The following ARFIP1 variants were observed in gnomAD, a reference collection of about 807,000 sequenced individuals.
ARFIP1 encodes arfaptin-1.
In ARFIP1, 24 loss-of-function variants were observed where a neutral mutation model predicts 42.5. That is an observed-to-expected ratio of 0.57 (90% confidence interval 0.41 to 0.80). The LOEUF (loss-of-function observed/expected upper bound fraction) is 0.80, where lower values mean the gene tolerates loss of function less well. Ranked by LOEUF, ARFIP1 falls within the 30% of genes least tolerant of loss-of-function variation. The pLI, the probability that ARFIP1 is intolerant of heterozygous loss-of-function variation, is 0.00. For synonymous variants in ARFIP1, 141 were observed against 153.7 expected, an observed-to-expected ratio of 0.92 and a Z score of 0.61; for missense variants, 354 against 434.0, an observed-to-expected ratio of 0.82 and a Z score of 1.64.
At chr4:152,873,212 A>G (rs1053415263) in intron 5 of ARFIP1, among the ~76,000 whole-genome samples, 5 of 152,226 alleles carry the variant, frequency 3.3e-5, no homozygotes, top group Non-Finnish European at 7.3e-5. Flanking sequence ...AATAGTTAGG[A>G]TGAAAGCCCT....
At position 152,881,038 on chromosome 4, in the gene ARFIP1, G is replaced by A. The variant is rs1735802297; in HGVS notation, c.487G>A (p.Asp163Asn). Residue 163 changes from aspartate (D) to asparagine (N), a missense_variant, in exon 6 of 9, where the codon GAT (aspartate) becomes AAT (asparagine). Asp to Asn is a conservative substitution (Grantham distance 23). Coordinates refer to ENST00000353617, the MANE Select transcript of ARFIP1 (RefSeq NM_001025595.3). ...TVDLELEAQI[D>N]ILRDNKKKYE... Reference sequence around the variant, plus strand: ...GGACCTTGAACTTGAAGCTCAGATTGATATATTAAGGGATAACAAGAAAAA... The same window carrying A: ...GGACCTTGAACTTGAAGCTCAGATTAATATATTAAGGGATAACAAGAAAAA... 1.2e-6 allele frequency: 2 copies of A among 1,613,812 alleles called. No individual in the cohort carries two copies. The highest frequency in any genetic ancestry group is 1.7e-4 in the Middle Eastern group (1 of 6,058).
chr4:152,857,553 T>C (rs1450457399), intron 2 of ARFIP1, among the ~76,000 whole-genome samples: 1 of 152,208 alleles, frequency 6.6e-6, no homozygotes, highest in Admixed American at 6.5e-5. Flanking sequence ...TTAAATGAGG[T>C]AATATATACA....
chr4:152,874,820 C>T (rs1007743986), intron 5 of ARFIP1, among the ~76,000 whole-genome samples: 4 of 152,128 alleles, frequency 2.6e-5, no homozygotes, highest in African/African-American at 7.2e-5. Flanking sequence ...GGCATCACCA[C>T]TCCTGGCTAA....
At chr4:152,854,499 A>G (rs1385001546) in intron 2 of ARFIP1, among the ~76,000 whole-genome samples, 2 of 152,072 alleles carry the variant, frequency 1.3e-5, no homozygotes, top group Non-Finnish European at 2.9e-5. Context: ...TTGCTGGAGA[A>G]TCATTGTGAT....
chr4:152,883,513 A>G (rs1204915745), intron 7 of ARFIP1, among the ~76,000 whole-genome samples: 3 of 152,000 alleles, frequency 2.0e-5, no homozygotes, highest in Non-Finnish European at 2.9e-5. Flanking sequence ...AAACCCTTTC[A>G]AATTTTACCT....
chr4:152,903,767 CCTGAGCCTTTGTTAGTGGGCTA>C (rs1738043844), intron 8 of ARFIP1, among the ~76,000 whole-genome samples: 3 of 152,122 alleles, frequency 2.0e-5, no homozygotes, highest in South Asian at 4.1e-4. Flanking sequence ...ATACACTGAG[CCTGAGCCTTTGTTAGTGGGCTA>C]CTGAGTCTTC....
intron 5 of ARFIP1, among the ~76,000 whole-genome samples, chr4:152,875,378 T>TAAAAA (rs11302481): frequency 3.0e-5 from 3 of 100,156 alleles, no homozygotes; most frequent in Non-Finnish European, 4.3e-5. Flanking sequence ...TCTTTTTTTA[T>TAAAAA]AAAAAAAAAA....
chr4:152,873,120 T>G (rs1217942282), intron 5 of ARFIP1, among the ~76,000 whole-genome samples: 1 of 152,200 alleles, frequency 6.6e-6, no homozygotes, highest in Non-Finnish European at 1.5e-5. Flanking sequence ...ATATTGTATT[T>G]GATGTATTAC....
intron 1 of ARFIP1, among the ~76,000 whole-genome samples, chr4:152,790,821 C>T (rs1731105983): frequency 6.7e-6 from 1 of 148,810 alleles, no homozygotes; most frequent in Non-Finnish European, 1.5e-5. Flanking sequence ...GCAACCTCTG[C>T]CTCCCAGGTT....
chr4:152,848,406 T>A (rs1490899723), intron 2 of ARFIP1, among the ~76,000 whole-genome samples: 1 of 152,218 alleles, frequency 6.6e-6, no homozygotes, highest in Non-Finnish European at 1.5e-5. Flanking sequence ...AGGGAAGAGA[T>A]ATTGTAATCT....
chr4:152,853,331 C>T (rs189008500), intron 2 of ARFIP1, among the ~76,000 whole-genome samples: 5 of 152,292 alleles, frequency 3.3e-5, no homozygotes, highest in Middle Eastern at 3.4e-3. Flanking sequence ...TTTAGCGCTC[C>T]GTTGAGCATT....
chr4:152,852,069 C>T (rs761809353), intron 2 of ARFIP1, among the ~76,000 whole-genome samples: 1 of 152,102 alleles, frequency 6.6e-6, no homozygotes, highest in Non-Finnish European at 1.5e-5. Context: ...ATTAAATACT[C>T]AAGCATTATG....
chr4:152,851,941 A>C (rs892830771), intron 2 of ARFIP1, among the ~76,000 whole-genome samples: 2 of 152,356 alleles, frequency 1.3e-5, no homozygotes, highest in South Asian at 4.1e-4. Flanking sequence ...AGCTATTACT[A>C]CAAATATTAC....
intron 1 of ARFIP1, among the ~76,000 whole-genome samples, chr4:152,795,131 C>G (rs1397782131): frequency 6.6e-6 from 1 of 152,040 alleles, no homozygotes; most frequent in Non-Finnish European, 1.5e-5. Flanking sequence ...GGTAACCTAT[C>G]TCTTTAGTTT....
Position 152,888,225 on chromosome 4 carries a change from A to G in ARFIP1, c.884A>G (p.His295Arg). The G allele has an allele frequency of 1.2e-6, 2 of 1,612,028 alleles. No individual in the cohort carries two copies. The highest frequency in any genetic ancestry group is 1.1e-5 in the South Asian group (1 of 90,786). Residue 295 changes from histidine to arginine, a missense_variant, in exon 8 of 9, where the codon CAT becomes CGT. By Grantham distance (29) the His-to-Arg change is conservative. Coordinates refer to ENST00000353617, the MANE Select transcript of ARFIP1 (RefSeq NM_001025595.3). ...NTLPKIEQSQ[H>R]LFQAHKEKYD... ...CTGCCAAAGATTGAGCAGTCACAGC[A>G]TCTCTTCCAAGCACATAAGGAAAAA...
chr4:152,856,244 A>G (rs973977701), intron 2 of ARFIP1, among the ~76,000 whole-genome samples: 7 of 152,292 alleles, frequency 4.6e-5, no homozygotes, highest in African/African-American at 1.7e-4. Flanking sequence ...AATTTACACA[A>G]TATTCTATGA....
intron 2 of ARFIP1, among the ~76,000 whole-genome samples, chr4:152,842,888 T>A (rs1052707166): frequency 2.6e-5 from 4 of 152,168 alleles, no homozygotes; most frequent in Non-Finnish European, 5.9e-5. Flanking sequence ...CTGGTTAGCT[T>A]AATAACTAAC....
chr4:152,782,991 G>A (rs891318835), intron 1 of ARFIP1, among the ~76,000 whole-genome samples: 3 of 152,086 alleles, frequency 2.0e-5, no homozygotes, highest in East Asian at 1.9e-4. Context: ...CTCACTTGGG[G>A]GAGCAGTCAA....
At chr4:152,877,613 G>T (rs1326372904) in intron 5 of ARFIP1, among the ~76,000 whole-genome samples, 1 of 152,090 alleles carries the variant, frequency 6.6e-6, no homozygotes, top group Admixed American at 6.5e-5. Flanking sequence ...GTTTTGAAGT[G>T]TATGGACATG....
Sources: allele counts gnomAD v4.1 joint callset (sites outside exome capture counted in the v4.1 genomes callset), GRCh38; gene constraint gnomAD v4.1.1; transcripts MANE v1.5; gene names NCBI Gene and HGNC (gene_info 2026-07-23, HGNC 2026-07-21).